The following TBC1D2B variants were observed in gnomAD, a reference collection of about 807,000 sequenced individuals.
TBC1D2B encodes TBC1 domain family member 2B.
TBC1D2B carries 64 observed loss-of-function variants against 100.8 expected under a neutral mutation model. The observed-to-expected ratio is 0.64, with a 90% CI of 0.52 to 0.78. The LOEUF (loss-of-function observed/expected upper bound fraction) is 0.78. TBC1D2B is among the 30% of genes least tolerant of loss of function. TBC1D2B has a pLI of 0.00. For synonymous variants in TBC1D2B, 480 were observed against 479.7 expected (o/e 1.00, Z -0.01); for missense variants, 1,052 against 1,218.4 (o/e 0.86, Z 2.03).
intron 3 of TBC1D2B, among the ~76,000 whole-genome samples, chr15:78,038,511 G>A (rs938300581): frequency 3.9e-5 from 6 of 152,328 alleles, no homozygotes; most frequent in African/African-American, 9.6e-5. Flanking sequence ...CAGACCCCAC[G>A]GGACCCTGAA....
Position 78,034,224 on chromosome 15 carries a change from T to G in TBC1D2B, c.684-4054A>C, listed in dbSNP as rs566043160. ...TGTATAAAGTCTGATTTTATAAAAA[T>G]TATAAAATTGTAGAGAAAACTATTT... On this transcript the variant is annotated intron_variant, in intron 3 of 12. Transcript: ENST00000300584. Among the ~76,000 whole-genome samples the G allele has an allele frequency of 6.6e-5, 10 of 152,282 alleles. No homozygotes were observed. The South Asian group carries it at 1.7e-3, about 25-fold the overall frequency.
At chr15:78,070,167 C>T (rs559668052) in intron 1 of TBC1D2B, among the ~76,000 whole-genome samples, 1 of 152,310 alleles carries the variant, frequency 6.6e-6, no homozygotes, top group Non-Finnish European at 1.5e-5. Context: ...CTCCTTGAGT[C>T]CCACATGCAA....
At chr15:78,040,884 G>GAAAGAAAGAAAGAAAGAAAGAACGAA (rs1307551330) in intron 3 of TBC1D2B, among the ~76,000 whole-genome samples, 1 of 90,372 alleles carries the variant, frequency 1.1e-5, no homozygotes, top group African/African-American at 3.8e-5. Flanking sequence ...GAAAGAAAGA[G>GAAAGAAAGAAAGAAAGAAAGAACGAA]AGAGAGAGAG....
At chr15:78,076,147 C>T (rs1159439757) in intron 1 of TBC1D2B, among the ~76,000 whole-genome samples, 1 of 152,066 alleles carries the variant, frequency 6.6e-6, no homozygotes, top group Non-Finnish European at 1.5e-5. Context: ...TAGGAGGTGA[C>T]AGTCTAGTCC....
At chr15:78,027,464 G>T (rs941120556) in intron 4 of TBC1D2B, among the ~76,000 whole-genome samples, 1 of 152,200 alleles carries the variant, frequency 6.6e-6, no homozygotes, top group Non-Finnish European at 1.5e-5. Flanking sequence ...GAATAACATG[G>T]ACAAGTTGGA....
intron 4 of TBC1D2B, 39 bp downstream of exon 4, chr15:78,029,968 A>T: frequency 6.4e-7 from 1 of 1,553,448 alleles, no homozygotes; most frequent in Non-Finnish European, 8.7e-7. Flanking sequence ...AACAGATGGC[A>T]GTACAGAGAA....
intron 3 of TBC1D2B, among the ~76,000 whole-genome samples, chr15:78,040,888 G>GAGAGAGAAAGAAAGAA (rs2073077893): frequency 8.2e-6 from 1 of 122,396 alleles, no homozygotes; most frequent in Non-Finnish European, 1.7e-5. Flanking sequence ...GAAAGAGAGA[G>GAGAGAGAAAGAAAGAA]AGAGAGAAAG....
chr15:78,077,296 G>A lies in TBC1D2B; in HGVS notation c.357C>T (p.Leu119=). Residue 119 remains leucine, a synonymous_variant, in exon 1 of 13, where the codon CTC becomes CTT. Coordinates refer to ENST00000300584, the MANE Select transcript of TBC1D2B (RefSeq NM_144572.2). ...GCTTTGGGGCGAGCGGTCCCACCTT[G>A]AGCACCGTGACGGCTCCCGCGCTGT... ...QVHSAGAVTV[L]KAPNRQLMTY... is the part of the protein sequence containing the mutation. The A allele has an allele frequency of 6.6e-7, 1 of 1,510,020 alleles. No homozygotes were observed. Among genetic ancestry groups the A allele is most frequent in the African/African-American group, 1.4e-5 (1 of 69,480 alleles). The allele number at this position is 1,510,020 out of a possible 1,614,324, so 93.5% of individuals were successfully genotyped here.
intron 1 of TBC1D2B, among the ~76,000 whole-genome samples, chr15:78,062,933 G>A (rs2073578147): frequency 6.6e-6 from 1 of 152,130 alleles, no homozygotes; most frequent in South Asian, 2.1e-4. Flanking sequence ...CTACTGGCTG[G>A]CTATGTTAGG....
chr15:78,004,569 C>G (rs920911041), intron 10 of TBC1D2B, among the ~76,000 whole-genome samples: 1 of 152,234 alleles, frequency 6.6e-6, no homozygotes, highest in Admixed American at 6.5e-5. Flanking sequence ...ACCCACTCCA[C>G]GTGAACCGGT....
At chr15:78,012,336 G>A (rs1432092099) in intron 9 of TBC1D2B, among the ~76,000 whole-genome samples, 1 of 152,204 alleles carries the variant, frequency 6.6e-6, no homozygotes, top group African/African-American at 2.4e-5. Flanking sequence ...GCCTATGGAA[G>A]TAGGGAAGTA....
intron 9 of TBC1D2B, among the ~76,000 whole-genome samples, chr15:78,012,293 C>T (rs896886130): frequency 6.6e-6 from 1 of 152,142 alleles, no homozygotes; most frequent in Admixed American, 6.5e-5. Context: ...CCTACATCAC[C>T]CAGAAAACAT....
At chr15:78,053,835 C>T in intron 2 of TBC1D2B, 199 bp downstream of exon 2, 1 of 581,258 alleles carries the variant, frequency 1.7e-6, no homozygotes, top group Non-Finnish European at 2.9e-6. Flanking sequence ...ACTGGCCTTG[C>T]CTGATTCCAA....
At chr15:78,012,644 C>T (rs1189728753) in intron 9 of TBC1D2B, among the ~76,000 whole-genome samples, 179 bp downstream of exon 9, 3 of 152,236 alleles carry the variant, frequency 2.0e-5, no homozygotes, top group South Asian at 4.1e-4. Context: ...CATGCTTTTT[C>T]TCTCAGTTCT....
chr15:78,008,938 G>T, intron 10 of TBC1D2B, 59 bp downstream of exon 10: 1 of 1,236,980 alleles, frequency 8.1e-7, no homozygotes, highest in Non-Finnish European at 1.2e-6. Flanking sequence ...TTTAATTCAG[G>T]TCACATTTCA....
At chr15:78,011,154 T>C (rs1440348645) in intron 9 of TBC1D2B, among the ~76,000 whole-genome samples, 1 of 152,210 alleles carries the variant, frequency 6.6e-6, no homozygotes, top group Non-Finnish European at 1.5e-5. Context: ...CTATAGTCCC[T>C]TTCACCTTCT....
chr15:78,008,038 G>A (rs1220961347), intron 10 of TBC1D2B, among the ~76,000 whole-genome samples: 1 of 152,244 alleles, frequency 6.6e-6, no homozygotes, highest in Admixed American at 6.5e-5. Flanking sequence ...GAAGAGACAC[G>A]AGACAGGGCA....
intron 3 of TBC1D2B, among the ~76,000 whole-genome samples, chr15:78,044,379 G>A (rs1305237255): frequency 6.6e-6 from 1 of 152,140 alleles, no homozygotes; most frequent in African/African-American, 2.4e-5. Context: ...GATCACTTGA[G>A]CCCAGGACTT....
At position 78,014,505 on chromosome 15, in the gene TBC1D2B, G is replaced by A. The variant is rs1015611096; in HGVS notation, c.1776-1188C>T. 9.9e-5 allele frequency among the ~76,000 whole-genome samples: 15 copies of A among 152,210 alleles called. 1 individual carries two copies. Among genetic ancestry groups the A allele is most frequent in the Non-Finnish European group, 8.8e-5 (6 of 68,042 alleles). ...GGACCATGATGGTCCTTGCATCACT[G>A]TAACAAGGAAAAATGGAAAGAACCT... is the stretch of plus-strand genomic sequence containing the variant. On this transcript the variant is annotated intron_variant, in intron 8 of 12. Transcript: ENST00000300584.
Sources: allele counts gnomAD v4.1 joint callset (sites outside exome capture counted in the v4.1 genomes callset), GRCh38; gene constraint gnomAD v4.1.1; transcripts MANE v1.5; gene names NCBI Gene and HGNC (gene_info 2026-07-23, HGNC 2026-07-21).